Variants in ZNF862 observed in about 807,000 individuals in gnomAD.
ZNF862 encodes zinc finger protein 862.
Under a neutral mutation model 91.1 loss-of-function variants are expected in ZNF862, and 64 were observed. The observed-to-expected ratio is 0.70, with a 90% CI of 0.57 to 0.87. The LOEUF (loss-of-function observed/expected upper bound fraction) is 0.87. Among genes scored for constraint, ZNF862 ranks in the 40% least tolerant of loss-of-function variants. The pLI, the probability that ZNF862 is intolerant of heterozygous loss-of-function variation, is 0.00. For missense variants in ZNF862, 1,459 were observed against 1,528.0 expected, an observed-to-expected ratio of 0.95 and a Z score of 0.75; for synonymous variants, 631 against 618.1, an observed-to-expected ratio of 1.02 and a Z score of -0.31.
intron 7 of ZNF862, 117 bp from the exon 8 acceptor site, chr7:149,863,988 GTGGT>G (rs1802617100): frequency 1.2e-5 from 12 of 964,616 alleles, no homozygotes; most frequent in Non-Finnish European, 1.8e-5. Context: ...AAGAGCAGTC[GTGGT>G]CCTGACTTCA....
At position 149,860,654 on chromosome 7, in the gene ZNF862, T is replaced by C. The variant is rs2128941598; in HGVS notation, c.1494T>C (p.Asp498=). 6.2e-7 allele frequency: 1 copy of C among 1,613,990 alleles called. No individual in the cohort carries two copies. The highest frequency in any genetic ancestry group is 1.3e-5 in the African/African-American group (1 of 75,040). ...GCATAGAAAGACCTAATCTCCATGA[T>C]AAATCATCTCGGTTAGTCAGAGGTT... ...SACIERPNLH[D]KSSRLVRGYT... is the part of the protein sequence containing the mutation. The change falls in exon 7 of 8, where the codon GAT becomes GAC. Residue 498 remains aspartate, a synonymous_variant. Coordinates refer to ENST00000223210, the MANE Select transcript of ZNF862 (RefSeq NM_001099220.3).
intron 5 of ZNF862, among the ~76,000 whole-genome samples, chr7:149,851,376 C>T (rs1035493310): frequency 5.3e-5 from 8 of 152,196 alleles, no homozygotes; most frequent in African/African-American, 1.9e-4. Context: ...GCTTCCCAAA[C>T]ATTCAGAAGT....
Position 149,847,803 on chromosome 7 carries a change from C to T in ZNF862, c.310C>T (p.Leu104Phe). 6.2e-7 allele frequency: 1 copy of T among 1,613,820 alleles called. No homozygotes were observed. The highest frequency in any genetic ancestry group is 8.5e-7 in the Non-Finnish European group (1 of 1,179,832). Residue 104 changes from leucine to phenylalanine, a missense_variant, in exon 4 of 8, where the codon CTC becomes TTC. By Grantham distance (22) the Leu-to-Phe change is conservative. Coordinates refer to ENST00000223210, the MANE Select transcript of ZNF862 (RefSeq NM_001099220.3). The stretch of plus-strand genomic sequence containing the variant: ...TCCCACCAGGGAGAGTGGACAGTCC[C>T]TCCCGCCTCAGAAGAAAGCCTACCT... The part of the protein sequence containing the change: ...QGPTRESGQS[L>F]PPQKKAYLSH...
At chr7:149,841,754 C>G in intron 1 of ZNF862, 1 of 985,270 alleles carries the variant, frequency 1.0e-6, no homozygotes, top group African/African-American at 1.7e-5. Context: ...TTGGCCCTCT[C>G]TATCTTTCCT....
At chr7:149,858,097 C>T (rs1802322699) in intron 5 of ZNF862, among the ~76,000 whole-genome samples, 1 of 152,118 alleles carries the variant, frequency 6.6e-6, no homozygotes, top group Non-Finnish European at 1.5e-5. Context: ...TGAGCCAGTC[C>T]ACTGCTCCCA....
At chr7:149,853,073 G>A (rs1260605790) in intron 5 of ZNF862, among the ~76,000 whole-genome samples, 1 of 152,224 alleles carries the variant, frequency 6.6e-6, no homozygotes, top group Non-Finnish European at 1.5e-5. Context: ...ACCAAGGTGA[G>A]GGGCTAGAGT....
In ZNF862 at chr7:149,866,295, C is replaced by T. The variant is rs1209385646; in HGVS notation, c.*2011C>T. 2.0e-5 allele frequency: 3 copies of T among 152,208 alleles called. No homozygotes were observed. Among genetic ancestry groups the T allele is most frequent in the Non-Finnish European group, 4.4e-5 (3 of 68,056 alleles). The allele number at this position is 152,208 out of a possible 1,614,324, so 9.4% of individuals were successfully genotyped here. A position where few individuals can be genotyped will look rare whatever the true frequency, so the allele number is the denominator to read the frequency against. The stretch of plus-strand genomic sequence containing the variant: ...CTAAGGCACACACAGGCCTCCTTCT[C>T]CCCATCACCGTCTCCATGGGCGTTC... On this transcript the variant is annotated 3_prime_UTR_variant, in exon 8 of 8. Coordinates refer to ENST00000223210, the MANE Select transcript of ZNF862 (RefSeq NM_001099220.3).
At chr7:149,847,658 A>G in intron 3 of ZNF862, 77 bp from the exon 4 acceptor site, 1 of 915,990 alleles carries the variant, frequency 1.1e-6, no homozygotes, top group Admixed American at 2.8e-5. Flanking sequence ...TATTTGGTGT[A>G]CCTCAGAGCC....
intron 1 of ZNF862, among the ~76,000 whole-genome samples, chr7:149,839,526 T>G (rs1402312690): frequency 6.6e-6 from 1 of 152,218 alleles, no homozygotes; most frequent in Non-Finnish European, 1.5e-5. Context: ...TGATCACCTT[T>G]CTCAAGGAGC....
intron 4 of ZNF862, 67 bp downstream of exon 4, chr7:149,848,499 C>A: frequency 7.8e-7 from 1 of 1,277,160 alleles, no homozygotes; most frequent in South Asian, 1.7e-5. Flanking sequence ...GATGTATATC[C>A]ATGCTGATGA....
chr7:149,850,296 A>G lies in ZNF862; in HGVS notation c.1075A>G (p.Arg359Gly). Residue 359 changes from arginine (R) to glycine (G), a missense_variant, in exon 5 of 8, where the codon AGA (arginine) becomes GGA (glycine). Physicochemically the swap from Arg to Gly is moderately radical, Grantham distance 125. Coordinates refer to ENST00000223210, the MANE Select transcript of ZNF862 (RefSeq NM_001099220.3). This position sits in a 1 kb window ranked among gnomAD's most constrained non-coding sequence, Gnocchi z 4.2. The part of the protein sequence containing the change: ...MLDKRQKELY[R>G]DVMRMNYELL... ...AGACAAGCGGCAGAAGGAGCTGTAC[A>G]GAGACGTGATGCGGATGAACTACGA... 1 of 1,613,656 alleles carries G rather than the reference A, an allele frequency of 6.2e-7. No homozygotes were observed.
chr7:149,850,812 T>G lies in ZNF862; in HGVS notation c.1117+474T>G, dbSNP rs1802046793. On this transcript the variant is annotated intron_variant, in intron 5 of 7. Coordinates refer to ENST00000223210, the MANE Select transcript of ZNF862 (RefSeq NM_001099220.3). This position sits in a 1 kb window ranked among gnomAD's most constrained non-coding sequence, Gnocchi z 4.2. ...TGTTTTAATTGAGTTCAAAACCAGG[T>G]GGATCAGAAGGAGGAAGGGCATTGA... 1 of 157,306 alleles carries G rather than the reference T, an allele frequency of 6.4e-6. No individual in the cohort carries two copies. The highest frequency in any genetic ancestry group is 1.8e-4 in the South Asian group (1 of 5,466). 9.7% of individuals were successfully genotyped at this position (157,306 alleles called of 1,614,324 possible). A position where few individuals can be genotyped will look rare whatever the true frequency, so the allele number is the denominator to read the frequency against.
In ZNF862 at chr7:149,853,812, C is replaced by T. The variant is rs556343871; in HGVS notation, c.1117+3474C>T. Among the ~76,000 whole-genome samples the T allele has an allele frequency of 1.1e-3, 166 of 152,114 alleles. 2 individuals carry two copies. In the South Asian group the frequency reaches 0.022, roughly 20 times the overall value. ...AATTAGCCGAGCGTAGTGGCACACA[C>T]CCTTAGTTCCAGCTACTCGGGAGGC... is the stretch of plus-strand genomic sequence containing the variant. On this transcript the variant is annotated intron_variant, in intron 5 of 7. Transcript: ENST00000223210.
intron 6 of ZNF862, chr7:149,860,165 C>A: frequency 1.8e-6 from 1 of 562,502 alleles, no homozygotes; most frequent in East Asian, 2.9e-5. Flanking sequence ...TGAAAGAACC[C>A]ACAAGGATTA....
In ZNF862 at chr7:149,861,180, A is replaced by G. The variant is rs984555316; in HGVS notation, c.2020A>G (p.Ile674Val). 2.5e-6 allele frequency: 4 copies of G among 1,612,870 alleles called. No homozygotes were observed. The highest frequency in any genetic ancestry group is 1.7e-5 in the Admixed American group (1 of 59,974). ...SETADGYFET[I>V]VSALDELDIP... is the part of the protein sequence containing the mutation. ...GACAGCAGATGGGTACTTCGAGACC[A>G]TCGTTTCTGCCCTGGATGAGCTGGA... The change falls in exon 7 of 8, where the codon ATC (isoleucine) becomes GTC (valine). Residue 674 changes from isoleucine (I) to valine (V), a missense_variant. Ile to Val is a conservative substitution (Grantham distance 29). Transcript: ENST00000223210. The surrounding 1 kb of genome is among the most constrained non-coding windows in gnomAD (Gnocchi z 6.7).
Position 149,850,607 on chromosome 7 carries a change from C to T in ZNF862, c.1117+269C>T. On this transcript the variant is annotated intron_variant, in intron 5 of 7. Coordinates refer to ENST00000223210, the MANE Select transcript of ZNF862 (RefSeq NM_001099220.3). The surrounding 1 kb of genome is among the most constrained non-coding windows in gnomAD (Gnocchi z 4.2). ...CAGATGAACACAGCTGATCCATGGT[C>T]TCTGCTTTCAAGGGCCTAGCACGTT... 1 of 392,910 alleles carries T rather than the reference C, an allele frequency of 2.5e-6. No homozygotes were observed. The highest frequency in any genetic ancestry group is 4.6e-6 in the Non-Finnish European group (1 of 218,346). 24.3% of individuals were successfully genotyped at this position (392,910 alleles called of 1,614,324 possible).
rs1239897091 is a variant in ZNF862, at chr7:149,861,495, A to G, written c.2335A>G (p.Ile779Val). 6.2e-7 allele frequency: 1 copy of G among 1,612,218 alleles called. No homozygotes were observed. The highest frequency in any genetic ancestry group is 2.2e-5 in the East Asian group (1 of 44,836). The stretch of plus-strand genomic sequence containing the variant: ...TGCGGCGCCTCTGGAGCAGGAGATC[A>G]TCCGCCTGAAGGATCTGAATGCGGT... ...EGAAPLEQEIIRLKDLNAVRW... is the reference protein window; with the variant it reads ...EGAAPLEQEIVRLKDLNAVRW... The change falls in exon 7 of 8, where the codon ATC becomes GTC. Residue 779 changes from isoleucine to valine, a missense_variant. Transcript: ENST00000223210. This position sits in a 1 kb window ranked among gnomAD's most constrained non-coding sequence, Gnocchi z 6.7.
In ZNF862 at chr7:149,846,188, C is replaced by T. The variant is rs767113245; in HGVS notation, c.174C>T (p.Phe58=). 4.5e-5 allele frequency: 72 copies of T among 1,613,038 alleles called. No individual in the cohort carries two copies. The highest frequency in any genetic ancestry group is 1.6e-4 in the Middle Eastern group (1 of 6,076). ...CCAATCCTGAGCTGTTCCGCAAGTTCGGACGAGGGCCAGAGCCATGGCTTG... is the reference window on the plus strand; with the variant it reads ...CCAATCCTGAGCTGTTCCGCAAGTTTGGACGAGGGCCAGAGCCATGGCTTG... ...TVANPELFRK[F]GRGPEPWLGS... is the part of the protein sequence containing the mutation. The change falls in exon 3 of 8, where the codon TTC becomes TTT. Residue 58 remains phenylalanine (F), a synonymous_variant. Transcript: ENST00000223210.
intron 1 of ZNF862, among the ~76,000 whole-genome samples, chr7:149,841,882 A>G (rs1392799618): frequency 6.6e-6 from 1 of 152,176 alleles, no homozygotes. Context: ...TTGAATTACC[A>G]TGCATCAAGC....
Sources: allele counts gnomAD v4.1 joint callset (sites outside exome capture counted in the v4.1 genomes callset), GRCh38; gene constraint gnomAD v4.1.1; non-coding constraint Gnocchi (gnomAD v3.1); transcripts MANE v1.5; gene names NCBI Gene and HGNC (gene_info 2026-07-23, HGNC 2026-07-21).